SGMS1: variants seen among roughly 807,000 people sequenced by gnomAD.
The protein encoded by SGMS1 is sphingomyelin synthase 1.
SGMS1 carries 13 observed loss-of-function variants against 46.2 expected under a neutral mutation model. That is an observed-to-expected ratio of 0.28 (90% confidence interval 0.18 to 0.45). SGMS1 has a LOEUF of 0.45. Among genes scored for constraint, SGMS1 ranks in the 20% least tolerant of loss-of-function variants. The probability of loss-of-function intolerance (pLI) is 1.00; values close to 1 mark genes in which losing one functional copy is unlikely to be tolerated. For synonymous variants in SGMS1, 203 were observed against 187.8 expected (o/e 1.08, Z -0.66); for missense variants, 324 against 519.9 (o/e 0.62, Z 3.66).
chr10:50,482,779 T>G (rs906951796), intron 3 of SGMS1, among the ~76,000 whole-genome samples: 5 of 151,838 alleles, frequency 3.3e-5, no homozygotes, highest in African/African-American at 1.2e-4. Context: ...GGATAAAGAG[T>G]CATGACCCAT....
chr10:50,619,752 T>C (rs1838832010), intron 1 of SGMS1, among the ~76,000 whole-genome samples: 3 of 152,214 alleles, frequency 2.0e-5, no homozygotes, highest in Admixed American at 2.0e-4. Context: ...TTTACATCAT[T>C]AAGGGAGTAG....
intron 6 of SGMS1, among the ~76,000 whole-genome samples, chr10:50,415,067 G>T (rs1849150931): frequency 6.6e-6 from 1 of 152,236 alleles, no homozygotes; most frequent in Non-Finnish European, 1.5e-5. Flanking sequence ...CTTGCAGTGA[G>T]CTGAGATCGC....
chr10:50,617,937 T>C (rs1337803141), intron 1 of SGMS1, among the ~76,000 whole-genome samples: 2 of 149,518 alleles, frequency 1.3e-5, no homozygotes, highest in East Asian at 4.0e-4. Context: ...AGGCTGGTCT[T>C]GAACTCCTGG....
intron 2 of SGMS1, among the ~76,000 whole-genome samples, chr10:50,521,239 T>C (rs1837854431): frequency 6.6e-6 from 1 of 152,208 alleles, no homozygotes; most frequent in African/African-American, 2.4e-5. Context: ...AGTACAAAAG[T>C]ATCCAGGTAC....
chr10:50,534,062 C>T (rs770334148), intron 2 of SGMS1, among the ~76,000 whole-genome samples: 6 of 152,006 alleles, frequency 3.9e-5, no homozygotes, highest in African/African-American at 7.2e-5. Flanking sequence ...AATTTATCCC[C>T]AAAATATATA....
intron 6 of SGMS1, among the ~76,000 whole-genome samples, chr10:50,415,916 T>C (rs1402823161): frequency 6.6e-6 from 1 of 152,168 alleles, no homozygotes; most frequent in Non-Finnish European, 1.5e-5. Context: ...TGAATAGCAC[T>C]TGTGACACGC....
At chr10:50,409,205 G>A (rs1358671423) in intron 6 of SGMS1, among the ~76,000 whole-genome samples, 1 of 152,138 alleles carries the variant, frequency 6.6e-6, no homozygotes, top group Non-Finnish European at 1.5e-5. Flanking sequence ...AAGTATTTGA[G>A]ATATCCATGA....
chr10:50,385,328 G>A (rs1404815218), intron 6 of SGMS1, among the ~76,000 whole-genome samples: 1 of 152,070 alleles, frequency 6.6e-6, no homozygotes, highest in Non-Finnish European at 1.5e-5. Context: ...TATTATTATG[G>A]TAAAGTTCAG....
At chr10:50,565,823 C>T (rs1838283511) in intron 2 of SGMS1, among the ~76,000 whole-genome samples, 1 of 152,184 alleles carries the variant, frequency 6.6e-6, no homozygotes, top group African/African-American at 2.4e-5. Context: ...TCCTCCATCC[C>T]CGGCACCCAG....
intron 4 of SGMS1, among the ~76,000 whole-genome samples, chr10:50,465,908 C>T (rs548171483): frequency 2.9e-4 from 43 of 150,742 alleles, no homozygotes; most frequent in Admixed American, 1.5e-3. Context: ...GACATCTCAA[C>T]TTATATCACA....
intron 3 of SGMS1, among the ~76,000 whole-genome samples, chr10:50,474,473 C>T (rs1837403032): frequency 6.6e-6 from 1 of 152,126 alleles, no homozygotes; most frequent in South Asian, 2.1e-4. Flanking sequence ...ACAAAGGAAG[C>T]CTCTCTGTGG....
intron 2 of SGMS1, among the ~76,000 whole-genome samples, chr10:50,565,237 T>C (rs532516916): frequency 6.6e-6 from 1 of 152,272 alleles, no homozygotes; most frequent in East Asian, 1.9e-4. Context: ...GTACACAGTG[T>C]CTTATACCTA....
At chr10:50,518,145 G>A (rs1271371207) in intron 3 of SGMS1, among the ~76,000 whole-genome samples, 3 of 152,136 alleles carry the variant, frequency 2.0e-5, no homozygotes, top group African/African-American at 7.2e-5. Context: ...CAGATATGCT[G>A]AAAAGAACAT....
chr10:50,467,193 T>G (rs1324324561), intron 3 of SGMS1, among the ~76,000 whole-genome samples: 1 of 152,058 alleles, frequency 6.6e-6, no homozygotes, highest in Non-Finnish European at 1.5e-5. Context: ...CATCTGATGG[T>G]ATAACATGAG....
chr10:50,381,191 T>C (rs188684974), intron 6 of SGMS1, among the ~76,000 whole-genome samples: 34 of 149,088 alleles, frequency 2.3e-4, no homozygotes, highest in African/African-American at 8.4e-4. Flanking sequence ...TTAAAACAAA[T>C]ATATAACCAG....
chr10:50,599,688 C>T (rs987989535), intron 1 of SGMS1, among the ~76,000 whole-genome samples: 1 of 152,064 alleles, frequency 6.6e-6, no homozygotes, highest in Non-Finnish European at 1.5e-5. Context: ...CATAGTGAAA[C>T]CCCGTCTCTA....
intron 2 of SGMS1, among the ~76,000 whole-genome samples, chr10:50,578,272 CCA>C (rs767617863): frequency 1.5e-4 from 23 of 152,164 alleles, no homozygotes; most frequent in Non-Finnish European, 3.2e-4. Flanking sequence ...GTATTTATGT[CCA>C]GTCTCTTTAG....
intron 6 of SGMS1, among the ~76,000 whole-genome samples, chr10:50,404,739 C>T (rs1009712664): frequency 2.6e-5 from 4 of 152,072 alleles, no homozygotes; most frequent in East Asian, 1.9e-4. Context: ...GATATTTATA[C>T]GAAAATATTT....
intron 6 of SGMS1, among the ~76,000 whole-genome samples, chr10:50,410,248 A>T (rs186460256): frequency 2.6e-5 from 4 of 152,278 alleles, no homozygotes; most frequent in African/African-American, 9.6e-5. Flanking sequence ...GATGGTCATG[A>T]CACTCTTGTG....
Sources: allele counts gnomAD v4.1 joint callset (sites outside exome capture counted in the v4.1 genomes callset), GRCh38; gene constraint gnomAD v4.1.1; transcripts MANE v1.5; gene names NCBI Gene and HGNC (gene_info 2026-07-23, HGNC 2026-07-21).